MTMR10: variants seen among roughly 807,000 people sequenced by gnomAD.
MTMR10 encodes the protein myotubularin-related protein 10.
MTMR10 carries 56 observed loss-of-function variants against 88.1 expected under a neutral mutation model. The ratio of observed to expected loss-of-function variants is 0.64; its 90% CI spans 0.51 to 0.79. MTMR10 has a LOEUF of 0.79. Among genes scored for constraint, MTMR10 ranks in the 30% least tolerant of loss-of-function variants. The pLI, the probability that MTMR10 is intolerant of heterozygous loss-of-function variation, is 0.00. For synonymous variants in MTMR10, 380 were observed against 340.9 expected (o/e 1.11, Z -1.26); for missense variants, 883 against 924.7 (o/e 0.95, Z 0.58).
At chr15:30,935,307 CA>C (rs1370577672), downstream of MTMR10, among the ~76,000 whole-genome samples, 8 of 144,084 alleles carry the variant, frequency 5.6e-5, no homozygotes, top group African/African-American at 1.8e-4. Context: ...GACCTTGTCT[CA>C]AAAAAAAAGA....
intron 13 of MTMR10, 83 bp from the exon 14 acceptor site, chr15:30,947,383 TAAAG>T: frequency 5.5e-6 from 8 of 1,441,956 alleles, no homozygotes; most frequent in South Asian, 1.3e-5. Flanking sequence ...CTGCTGATGT[TAAAG>T]AAGAGATGAA....
chr15:30,971,322 G>A (rs145965098), intron 5 of MTMR10, among the ~76,000 whole-genome samples: 1 of 152,216 alleles, frequency 6.6e-6, no homozygotes, highest in African/African-American at 2.4e-5. Context: ...ATCTTCTCTG[G>A]ACAGAAGCCA....
At chr15:30,948,506 T>A in intron 12 of MTMR10, 35 bp from the exon 13 acceptor site, 4 of 1,555,654 alleles carry the variant, frequency 2.6e-6, no homozygotes, top group Non-Finnish European at 3.5e-6. Context: ...GATTACAACA[T>A]AGAAAAATGC....
intron 2 of MTMR10, among the ~76,000 whole-genome samples, chr15:30,981,535 G>T (rs1443900673): frequency 6.6e-6 from 1 of 152,174 alleles, no homozygotes; most frequent in Non-Finnish European, 1.5e-5. Context: ...CATACTACAA[G>T]ACACTACCTG....
chr15:30,929,820 T>TA, the MTMR10 span, among the ~76,000 whole-genome samples: 1 of 39,200 alleles, frequency 2.6e-5, no homozygotes, highest in Non-Finnish European at 3.7e-5. Flanking sequence ...TATAATATAT[T>TA]ATATCATATA....
At chr15:30,928,589 A>G in the MTMR10 span, 211 of 1,611,100 alleles carry the variant, frequency 1.3e-4, 2 homozygotes, top group South Asian at 2.3e-3. Flanking sequence ...AGCACCCTGT[A>G]TGGCCTCCTC....
the MTMR10 span, chr15:30,925,167 T>G: frequency 6.2e-7 from 1 of 1,613,850 alleles, no homozygotes; most frequent in Non-Finnish European, 8.5e-7. Context: ...GATCCGGAAG[T>G]CAGAACGGGA....
Position 30,947,288 on chromosome 15 carries a change from A to G in MTMR10, c.1390T>C (p.Leu464=), listed in dbSNP as rs765076614. Residue 464 remains leucine (L), a synonymous_variant, in exon 14 of 16, where the codon TTG becomes CTG. Transcript: ENST00000435680. ...TGCCAGGTGGCATCCAAGAATAGCAAAAATAAAGGAGACTGGCAAATACAA... is the reference window on the plus strand; with the variant it reads ...TGCCAGGTGGCATCCAAGAATAGCAGAAATAAAGGAGACTGGCAAATACAA... The part of the protein sequence containing the change: ...KRSEKESPLF[L]LFLDATWQLL... 1.4e-5 allele frequency: 22 copies of G among 1,613,120 alleles called. No homozygotes were observed. In the African/African-American group the frequency reaches 2.8e-4, roughly 21 times the overall value.
Position 30,941,327 on chromosome 15 carries a change from A to G in MTMR10, c.*143T>C. ...ATAAGTGTGAAAGAAGCATGATTCA[A>G]CATGTTTTTAAATATTAGTGCAAAT... On this transcript the variant is annotated 3_prime_UTR_variant, in exon 16 of 16. Coordinates refer to ENST00000435680, the MANE Select transcript of MTMR10 (RefSeq NM_017762.3). 1 of 1,532,044 alleles carries G rather than the reference A, an allele frequency of 6.5e-7. No individual in the cohort carries two copies. Among genetic ancestry groups the G allele is most frequent in the African/African-American group, 1.4e-5 (1 of 72,968 alleles). 94.9% of individuals were successfully genotyped at this position (1,532,044 alleles called of 1,614,324 possible). A position where few individuals can be genotyped will look rare whatever the true frequency, so the allele number is the denominator to read the frequency against.
intron 13 of MTMR10, 126 bp from the exon 14 acceptor site, chr15:30,947,426 G>T: frequency 1.8e-6 from 2 of 1,099,548 alleles, no homozygotes; most frequent in Non-Finnish European, 2.6e-6. Flanking sequence ...TAAAACACTT[G>T]CCTTCTAAGC....
chr15:30,957,988 T>C (rs543164324), intron 9 of MTMR10, among the ~76,000 whole-genome samples: 1 of 151,846 alleles, frequency 6.6e-6, no homozygotes, highest in Non-Finnish European at 1.5e-5. Flanking sequence ...GGATTGGTGA[T>C]GGGGAAGGGA....
rs754775618 is a variant in MTMR10, at chr15:30,961,018, ACCT to A, written c.618_620del (p.Gly207del). On this transcript the variant is annotated inframe_deletion, in exon 7 of 16. Coordinates refer to ENST00000435680, the MANE Select transcript of MTMR10 (RefSeq NM_017762.3). ...GGCTGCTGCCACCACCAGCTCCATT[ACCT>A]CCTCCTCCTCCTCCTCCTCCATCTC... is the stretch of plus-strand genomic sequence containing the variant. 2.2e-3 allele frequency: 3,329 copies of A among 1,487,694 alleles called. 2 individuals are homozygous for A. Among genetic ancestry groups the A allele is most frequent in the South Asian group, 5.7e-3 (441 of 77,208 alleles). The allele number at this position is 1,487,694 out of a possible 1,614,324, so 92.2% of individuals were successfully genotyped here.
chr15:30,987,242 A>G (rs1399253839), intron 2 of MTMR10, among the ~76,000 whole-genome samples: 1 of 152,194 alleles, frequency 6.6e-6, no homozygotes, highest in African/African-American at 2.4e-5. Context: ...TGCCTGGGTA[A>G]GGTAACAGTT....
chr15:30,929,519 T>C, the MTMR10 span: 3 of 408,950 alleles, frequency 7.3e-6, no homozygotes, highest in Non-Finnish European at 4.2e-6. Flanking sequence ...TGTGTGTGCA[T>C]ATATATGATA....
chr15:30,968,874 G>A (rs2063503829), intron 5 of MTMR10, among the ~76,000 whole-genome samples: 1 of 152,128 alleles, frequency 6.6e-6, no homozygotes, highest in Non-Finnish European at 1.5e-5. Flanking sequence ...AATGAAGGAT[G>A]GTGCTCTAGG....
At chr15:30,935,501 TAAC>T (rs528772483), downstream of MTMR10, among the ~76,000 whole-genome samples, 175 of 152,222 alleles carry the variant, frequency 1.1e-3, no homozygotes, top group African/African-American at 3.9e-3. Context: ...AAATACAGCA[TAAC>T]AACTATTTTC....
chr15:30,979,658 T>C (rs918737455), intron 2 of MTMR10, among the ~76,000 whole-genome samples: 1 of 152,208 alleles, frequency 6.6e-6, no homozygotes, highest in Non-Finnish European at 1.5e-5. Flanking sequence ...AGAGCTTGTG[T>C]GGCAGAGCCT....
chr15:30,961,449 T>C (rs2959053), intron 6 of MTMR10, among the ~76,000 whole-genome samples: 123,608 of 152,044 alleles, frequency 0.81, 50,461 homozygotes, highest in East Asian at 0.98. Flanking sequence ...CCATGTTGGC[T>C]AGGCTGCTCT....
chr15:30,922,908 G>A, the MTMR10 span, among the ~76,000 whole-genome samples: 2 of 152,242 alleles, frequency 1.3e-5, no homozygotes, highest in South Asian at 4.1e-4. Flanking sequence ...AGGGGCACTT[G>A]GAAGCACAGG....
Sources: gnomAD v4.1 joint callset for allele counts (sites outside exome capture counted in the v4.1 genomes callset) on GRCh38, gnomAD v4.1.1 for gene constraint, MANE v1.5 for transcripts, NCBI Gene and HGNC (gene_info 2026-07-23, HGNC 2026-07-21) for gene names.